The following MARCHF1 variants were observed in gnomAD, a reference collection of about 807,000 sequenced individuals.
MARCHF1 encodes E3 ubiquitin-protein ligase MARCHF1.
In MARCHF1, 40 loss-of-function variants were observed where a neutral mutation model predicts 54.2. The ratio of observed to expected loss-of-function variants is 0.74; its 90% CI spans 0.57 to 0.96. MARCHF1 has a LOEUF of 0.96. Ranked by LOEUF, MARCHF1 falls within the 40% of genes least tolerant of loss-of-function variation. The pLI, the probability that MARCHF1 is intolerant of heterozygous loss-of-function variation, is 0.00. For synonymous variants in MARCHF1, 236 were observed against 236.3 expected, an observed-to-expected ratio of 1.00 and a Z score of 0.01; for missense variants, 586 against 656.5, an observed-to-expected ratio of 0.89 and a Z score of 1.17.
chr4:164,271,962 G>C (rs1733755409), intron 1 of MARCHF1, among the ~76,000 whole-genome samples: 1 of 151,686 alleles, frequency 6.6e-6, no homozygotes, highest in Non-Finnish European at 1.5e-5. Flanking sequence ...ATAAGACATA[G>C]AACAAGCAAA....
intron 1 of MARCHF1, among the ~76,000 whole-genome samples, chr4:164,121,430 G>C (rs913001331): frequency 6.6e-6 from 1 of 152,094 alleles, no homozygotes. Context: ...GGAAGGGGAA[G>C]AAAACACGTC....
chr4:163,800,846 G>A (rs1342718693), intron 4 of MARCHF1, among the ~76,000 whole-genome samples: 1 of 152,072 alleles, frequency 6.6e-6, no homozygotes, highest in East Asian at 1.9e-4. Context: ...AAGACACTGG[G>A]CAAGATGTTG....
chr4:163,784,625 T>C (rs1747565236), intron 4 of MARCHF1, among the ~76,000 whole-genome samples: 1 of 152,122 alleles, frequency 6.6e-6, no homozygotes, highest in Non-Finnish European at 1.5e-5. Context: ...ACCTATGCCA[T>C]TGACATATAT....
In MARCHF1 at chr4:164,052,172, T is replaced by C. The variant is rs990747122; in HGVS notation, c.-248+59416A>G. Among the ~76,000 whole-genome samples, 3 of 149,964 alleles carry C rather than the reference T, an allele frequency of 2.0e-5. No homozygotes were observed. The East Asian group carries it at 5.8e-4, about 29-fold the overall frequency. ...GTTTTTTTTGTATTTTTTAAAAAAATATTTGCACAGCAAACAGCCCTGGAA... is the reference window on the plus strand; with the variant it reads ...GTTTTTTTTGTATTTTTTAAAAAAACATTTGCACAGCAAACAGCCCTGGAA... On this transcript the variant is annotated intron_variant, in intron 2 of 9. Transcript: ENST00000514618.
rs1489148989 is a variant in MARCHF1, at chr4:164,122,762, G to A, written c.-322-11100C>T. 2.0e-5 allele frequency among the ~76,000 whole-genome samples: 3 copies of A among 151,892 alleles called. No homozygotes were observed. In the East Asian group the frequency reaches 5.8e-4, roughly 29 times the overall value. ...GTCCTAAATTTTCCTGGCTCAAGAT[G>A]ATGAACCCCAGGCCATATACCCCAG... On this transcript the variant is annotated intron_variant, in intron 1 of 9. Transcript: ENST00000514618.
intron 3 of MARCHF1, among the ~76,000 whole-genome samples, chr4:163,911,279 A>T (rs919873731): frequency 2.6e-5 from 4 of 152,186 alleles, no homozygotes; most frequent in Admixed American, 2.6e-4. Flanking sequence ...AACTGCACAT[A>T]CATGGTATTG....
At chr4:164,176,939 G>GCACTCTCTCT (rs1491410602) in intron 1 of MARCHF1, among the ~76,000 whole-genome samples, 1 of 53,678 alleles carries the variant, frequency 1.9e-5, no homozygotes, top group African/African-American at 6.1e-5. Flanking sequence ...AGTACCTTGT[G>GCACTCTCTCT]CGCTCTCTCT....
At chr4:163,723,778 CT>C (rs1745558771) in intron 4 of MARCHF1, among the ~76,000 whole-genome samples, 1 of 152,160 alleles carries the variant, frequency 6.6e-6, no homozygotes, top group South Asian at 2.1e-4. Flanking sequence ...TTCATTTGAT[CT>C]TCAATCACTG....
intron 5 of MARCHF1, among the ~76,000 whole-genome samples, chr4:163,618,339 G>T (rs1741578991): frequency 6.6e-6 from 1 of 152,108 alleles, no homozygotes; most frequent in South Asian, 2.1e-4. Context: ...CAACCTGGAA[G>T]TGTGATAAGT....
chr4:164,369,646 C>T (rs940744164), intron 1 of MARCHF1, among the ~76,000 whole-genome samples: 16 of 152,064 alleles, frequency 1.1e-4, no homozygotes, highest in African/African-American at 3.6e-4. Flanking sequence ...TATATATGTA[C>T]TTACGTACTA....
chr4:163,721,184 T>C (rs745484876), intron 4 of MARCHF1, among the ~76,000 whole-genome samples: 31 of 152,218 alleles, frequency 2.0e-4, no homozygotes, highest in Non-Finnish European at 3.8e-4. Flanking sequence ...ATATCTCTTA[T>C]TATTTTGAGA....
chr4:163,941,860 ATG>A (rs1751919313), intron 3 of MARCHF1, among the ~76,000 whole-genome samples: 1 of 152,194 alleles, frequency 6.6e-6, no homozygotes, highest in African/African-American at 2.4e-5. Context: ...ATTTAAATTT[ATG>A]TGTCAACTTT....
intron 2 of MARCHF1, among the ~76,000 whole-genome samples, chr4:164,056,947 G>A (rs1362123917): frequency 6.6e-6 from 1 of 152,118 alleles, no homozygotes; most frequent in Admixed American, 6.5e-5. Context: ...TCTTCCAGAA[G>A]AGGCTGGAAT....
intron 2 of MARCHF1, among the ~76,000 whole-genome samples, chr4:164,049,353 A>G (rs1424085781): frequency 1.3e-5 from 2 of 152,166 alleles, no homozygotes; most frequent in East Asian, 3.9e-4. Context: ...ACACATGGGG[A>G]TTACAATTCA....
At chr4:164,346,348 G>A (rs1222551639) in intron 1 of MARCHF1, among the ~76,000 whole-genome samples, 1 of 151,920 alleles carries the variant, frequency 6.6e-6, no homozygotes, top group African/African-American at 2.4e-5. Context: ...CCACTGACAT[G>A]GTAAAAAGAA....
intron 2 of MARCHF1, among the ~76,000 whole-genome samples, chr4:164,048,991 A>G (rs902345327): frequency 6.6e-6 from 1 of 152,218 alleles, no homozygotes; most frequent in African/African-American, 2.4e-5. Context: ...CCAATTTAAC[A>G]CTGATAGATG....
intron 3 of MARCHF1, among the ~76,000 whole-genome samples, chr4:163,874,424 A>G (rs1197733337): frequency 6.6e-6 from 1 of 152,214 alleles, no homozygotes; most frequent in African/African-American, 2.4e-5. Flanking sequence ...GCAGGAACAA[A>G]GGGATACCGA....
At chr4:163,757,559 T>C (rs1332085963) in intron 4 of MARCHF1, among the ~76,000 whole-genome samples, 2 of 152,104 alleles carry the variant, frequency 1.3e-5, no homozygotes, top group East Asian at 3.8e-4. Context: ...CCTAAGAAGA[T>C]AAGTAATTTT....
intron 1 of MARCHF1, among the ~76,000 whole-genome samples, chr4:164,326,525 G>T (rs982228325): frequency 6.6e-6 from 1 of 152,124 alleles, no homozygotes; most frequent in African/African-American, 2.4e-5. Flanking sequence ...GGACAGTGAA[G>T]AACATAGTAC....
Sources: allele counts gnomAD v4.1 joint callset (sites outside exome capture counted in the v4.1 genomes callset), GRCh38; gene constraint gnomAD v4.1.1; transcripts MANE v1.5; gene names NCBI Gene and HGNC (gene_info 2026-07-23, HGNC 2026-07-21).